MRPL1: variants seen among roughly 807,000 people sequenced by gnomAD.
MRPL1 encodes the protein large ribosomal subunit protein uL1m.
Under a neutral mutation model 38.0 loss-of-function variants are expected in MRPL1, and 28 were observed. That is an observed-to-expected ratio of 0.74 (90% CI 0.55 to 1.01). The LOEUF (loss-of-function observed/expected upper bound fraction) is 1.01. Among genes scored for constraint, MRPL1 ranks in the 50% least tolerant of loss-of-function variants. The pLI is 0.00. For synonymous variants in MRPL1, 123 were observed against 126.7 expected (o/e 0.97, Z 0.20); for missense variants, 358 against 389.8 (o/e 0.92, Z 0.69).
intron 2 of MRPL1, among the ~76,000 whole-genome samples, chr4:77,874,102 G>A (rs912028001): frequency 4.0e-5 from 6 of 151,408 alleles, no homozygotes; most frequent in African/African-American, 1.5e-4. Context: ...GGGTTCAAAT[G>A]ATTCTCCTGC....
At chr4:77,907,255 A>G (rs1736177968) in intron 6 of MRPL1, 2 of 809,140 alleles carry the variant, frequency 2.5e-6, no homozygotes, top group Admixed American at 6.2e-5. Flanking sequence ...TGTTTATTAA[A>G]TTTGTGTTAA....
At chr4:77,881,443 CTTT>C (rs760628841) in intron 2 of MRPL1, among the ~76,000 whole-genome samples, 4 of 133,094 alleles carry the variant, frequency 3.0e-5, no homozygotes, top group Admixed American at 1.5e-4. Flanking sequence ...TCAATATTTA[CTTT>C]TTTTTTTTTT....
At chr4:77,943,278 T>G (rs932435152) in intron 7 of MRPL1, among the ~76,000 whole-genome samples, 5 of 152,132 alleles carry the variant, frequency 3.3e-5, no homozygotes, top group African/African-American at 1.2e-4. Context: ...CCTTTTTAGG[T>G]TACCTGGTGC....
intron 6 of MRPL1, among the ~76,000 whole-genome samples, chr4:77,898,195 A>G (rs570488754): frequency 1.3e-5 from 2 of 152,048 alleles, no homozygotes; most frequent in South Asian, 2.1e-4. Flanking sequence ...ACCACTTCCT[A>G]TTATCACTAA....
chr4:77,913,883 T>G (rs1736353855), intron 7 of MRPL1, among the ~76,000 whole-genome samples: 1 of 152,266 alleles, frequency 6.6e-6, no homozygotes, highest in Non-Finnish European at 1.5e-5. Flanking sequence ...TGTATGATTC[T>G]TTTTGTATAA....
chr4:77,933,942 G>A (rs1474367700), intron 7 of MRPL1, among the ~76,000 whole-genome samples: 1 of 152,144 alleles, frequency 6.6e-6, no homozygotes, highest in Admixed American at 6.5e-5. Context: ...AATGTTTACA[G>A]TAACTCTATT....
intron 6 of MRPL1, among the ~76,000 whole-genome samples, chr4:77,899,808 AAC>A (rs1488752568): frequency 1.3e-5 from 2 of 152,224 alleles, no homozygotes. Flanking sequence ...AGAGCCTAAA[AAC>A]ACAGAGAAAA....
At chr4:77,924,533 G>C (rs760474493) in intron 7 of MRPL1, among the ~76,000 whole-genome samples, 29 of 151,916 alleles carry the variant, frequency 1.9e-4, no homozygotes, top group Non-Finnish European at 3.8e-4. Context: ...CCCCCACCTT[G>C]AGACCCCTTC....
chr4:77,938,681 T>C (rs562532051), intron 7 of MRPL1, among the ~76,000 whole-genome samples: 9 of 152,184 alleles, frequency 5.9e-5, no homozygotes, highest in Admixed American at 2.0e-4. Context: ...TCTGAGGACA[T>C]TGGCCCCACA....
At chr4:77,910,700 C>G (rs1431735034) in intron 7 of MRPL1, among the ~76,000 whole-genome samples, 1 of 152,194 alleles carries the variant, frequency 6.6e-6, no homozygotes, top group African/African-American at 2.4e-5. Context: ...GTAGATGGGA[C>G]TACAGATGTA....
intron 7 of MRPL1, among the ~76,000 whole-genome samples, chr4:77,947,102 A>C (rs1462722052): frequency 6.6e-6 from 1 of 152,190 alleles, no homozygotes; most frequent in Non-Finnish European, 1.5e-5. Context: ...AATTACACAA[A>C]AAAGGAAAAT....
chr4:77,893,605 C>A (rs1735851938), intron 5 of MRPL1, among the ~76,000 whole-genome samples: 2 of 151,990 alleles, frequency 1.3e-5, no homozygotes, highest in African/African-American at 4.8e-5. Context: ...TCTTTGATCA[C>A]CACGTCTTCT....
At chr4:77,950,541 A>G (rs1210869511) in intron 8 of MRPL1, among the ~76,000 whole-genome samples, 1 of 152,202 alleles carries the variant, frequency 6.6e-6, no homozygotes, top group Non-Finnish European at 1.5e-5. Context: ...GCTTACCATG[A>G]TAAGAATTTG....
chr4:77,950,440 CT>C (rs1480274018), intron 8 of MRPL1, among the ~76,000 whole-genome samples: 1 of 152,190 alleles, frequency 6.6e-6, no homozygotes, highest in African/African-American at 2.4e-5. Context: ...GCGTTGTGTG[CT>C]GTTCAAATTC....
intron 6 of MRPL1, among the ~76,000 whole-genome samples, chr4:77,905,322 C>A (rs1355999783): frequency 1.3e-5 from 2 of 151,662 alleles, no homozygotes; most frequent in Non-Finnish European, 2.9e-5. Context: ...CCTGGTGAAA[C>A]CCTGTTTCTA....
At position 77,952,556 on chromosome 4, in the gene MRPL1, ATTG is replaced by A. The variant is rs759589681; in HGVS notation, c.931_933del (p.Leu311del). On this transcript the variant is annotated inframe_deletion, in exon 9 of 9. Coordinates refer to ENST00000315567, the MANE Select transcript of MRPL1 (RefSeq NM_020236.4). ...AAGGTTTATTACTGAAGATTGATCC[ATTG>A]TTGCCTAAAGAAGTAAAAAATGAAG... 1.2e-6 allele frequency: 2 copies of A among 1,613,476 alleles called. No individual in the cohort carries two copies. The highest frequency in any genetic ancestry group is 1.7e-6 in the Non-Finnish European group (2 of 1,179,716).
At chr4:77,943,653 C>T (rs1242381934) in intron 7 of MRPL1, among the ~76,000 whole-genome samples, 4 of 151,884 alleles carry the variant, frequency 2.6e-5, no homozygotes, top group Non-Finnish European at 4.4e-5. Context: ...TCTGCTTGTT[C>T]GATTCTATTA....
intron 2 of MRPL1, among the ~76,000 whole-genome samples, chr4:77,878,123 CTG>C (rs1437609969): frequency 6.6e-6 from 1 of 152,174 alleles, no homozygotes; most frequent in Non-Finnish European, 1.5e-5. Context: ...GCAAGGGAGA[CTG>C]TGGTGGGAAC....
At chr4:77,927,507 G>A (rs1736741029) in intron 7 of MRPL1, among the ~76,000 whole-genome samples, 1 of 151,884 alleles carries the variant, frequency 6.6e-6, no homozygotes, top group Admixed American at 6.6e-5. Context: ...TATAAATCAA[G>A]TTAAGTCAAT....
Sources: allele counts gnomAD v4.1 joint callset (sites outside exome capture counted in the v4.1 genomes callset), GRCh38; gene constraint gnomAD v4.1.1; transcripts MANE v1.5; gene names NCBI Gene and HGNC (gene_info 2026-07-23, HGNC 2026-07-21).